Variants in PXDNL observed in about 807,000 individuals in gnomAD.
PXDNL encodes the protein peroxidasin like, also known as probable oxidoreductase PXDNL.
A neutral mutation model predicts 150.8 loss-of-function variants in PXDNL; 145 were observed. The ratio of observed to expected loss-of-function variants is 0.96; its 90% CI spans 0.84 to 1.10. PXDNL has a LOEUF of 1.10. Among genes scored for constraint, PXDNL ranks in the 50% least tolerant of loss-of-function variants. The pLI is 0.00. For missense variants in PXDNL, 2,087 were observed against 1,873.9 expected (o/e 1.11, Z -2.10); for synonymous variants, 757 against 725.7 (o/e 1.04, Z -0.69).
intron 1 of PXDNL, among the ~76,000 whole-genome samples, chr8:51,790,796 A>ATGTGTGTG (rs1456542454): frequency 1.2e-4 from 4 of 33,426 alleles, no homozygotes; most frequent in African/African-American, 1.6e-4. Flanking sequence ...ATATATATAT[A>ATGTGTGTG]TGTGTGTGTG....
chr8:51,733,506 T>A (rs1816971490), intron 1 of PXDNL, among the ~76,000 whole-genome samples: 2 of 152,118 alleles, frequency 1.3e-5, no homozygotes, highest in Admixed American at 6.6e-5. Context: ...GAGGGAGGAA[T>A]ATAAATAAAG....
chr8:51,736,201 C>T (rs1023924084), intron 1 of PXDNL, among the ~76,000 whole-genome samples: 4 of 152,260 alleles, frequency 2.6e-5, no homozygotes, highest in African/African-American at 4.8e-5. Flanking sequence ...ACATTTATGT[C>T]GCACAGAATA....
intron 12 of PXDNL, chr8:51,436,266 T>A: frequency 5.9e-6 from 3 of 505,036 alleles, no homozygotes; most frequent in South Asian, 4.4e-5. Flanking sequence ...AGAAGTTTTA[T>A]ATCATAGAAG....
chr8:51,491,239 T>C (rs192392522), intron 5 of PXDNL, among the ~76,000 whole-genome samples: 1 of 152,236 alleles, frequency 6.6e-6, no homozygotes, highest in African/African-American at 2.4e-5. Flanking sequence ...TAAGTTAATA[T>C]CCCTTAATAA....
intron 1 of PXDNL, among the ~76,000 whole-genome samples, chr8:51,703,845 T>G (rs1816307324): frequency 6.6e-6 from 1 of 152,252 alleles, no homozygotes; most frequent in South Asian, 2.1e-4. Flanking sequence ...AAATCTTTTC[T>G]TGGACAATTA....
chr8:51,454,350 G>A (rs575891332), intron 9 of PXDNL, among the ~76,000 whole-genome samples: 1 of 152,190 alleles, frequency 6.6e-6, no homozygotes, highest in Non-Finnish European at 1.5e-5. Context: ...TGGCAGCTCT[G>A]TGACAGATTA....
intron 2 of PXDNL, among the ~76,000 whole-genome samples, chr8:51,635,920 T>A (rs1814594744): frequency 6.6e-6 from 1 of 152,046 alleles, no homozygotes; most frequent in Non-Finnish European, 1.5e-5. Flanking sequence ...TACAGAGCAA[T>A]ATCTTTTAGT....
At position 51,408,975 on chromosome 8, in the gene PXDNL, T is replaced by G; in HGVS notation, c.2649A>C (p.Ala883=). The G allele has an allele frequency of 6.2e-7, 1 of 1,612,222 alleles. No homozygotes were observed. The highest frequency in any genetic ancestry group is 8.5e-7 in the Non-Finnish European group (1 of 1,179,848). The change falls in exon 17 of 23, where the codon GCA becomes GCC. Residue 883 remains alanine (A), a synonymous_variant. Coordinates refer to ENST00000356297, the MANE Select transcript of PXDNL (RefSeq NM_144651.5). ...RPSATVDSVY[A]REQINQQTAY... ...CTGTTTGCTGGTTGATCTGCTCTCGTGCATAGACTGAATCCACCGTCGCAG... is the reference window on the plus strand; with the variant it reads ...CTGTTTGCTGGTTGATCTGCTCTCGGGCATAGACTGAATCCACCGTCGCAG...
At chr8:51,382,615 C>A (rs1230311477) in intron 17 of PXDNL, among the ~76,000 whole-genome samples, 1 of 151,928 alleles carries the variant, frequency 6.6e-6, no homozygotes, top group Non-Finnish European at 1.5e-5. Flanking sequence ...TGATTTTGTA[C>A]AGCAGTTTTA....
chr8:51,520,228 GGCCAGAGGGCAATAGTGAAATCCC>G (rs1811632475), intron 4 of PXDNL, among the ~76,000 whole-genome samples: 1 of 152,154 alleles, frequency 6.6e-6, no homozygotes, highest in South Asian at 2.1e-4. Flanking sequence ...GGAAGAACAC[GGCCAGAGGGCAATAGTGAAATCCC>G]GCCCTATCTG....
At chr8:51,717,901 T>C (rs898739211) in intron 1 of PXDNL, among the ~76,000 whole-genome samples, 3 of 152,196 alleles carry the variant, frequency 2.0e-5, no homozygotes, top group African/African-American at 7.2e-5. Context: ...TGGCTAATTA[T>C]AAGGGGGGTT....
intron 6 of PXDNL, among the ~76,000 whole-genome samples, chr8:51,475,790 A>G (rs1245504225): frequency 6.6e-6 from 1 of 150,422 alleles, no homozygotes; most frequent in Non-Finnish European, 1.5e-5. Context: ...CCCTTCCCTC[A>G]CCAGTAGTCC....
Position 51,532,673 on chromosome 8 carries a change from C to G in PXDNL, c.380+24167G>C, listed in dbSNP as rs147394342. Among the ~76,000 whole-genome samples the G allele has an allele frequency of 8.9e-4, 135 of 152,272 alleles. No homozygotes were observed. The East Asian group carries it at 0.016, about 18-fold the overall frequency. ...GAATGTAAAGGCTTCAGACAGCTTG[C>G]TAATTCAAAGTGTGGTCTCTTTGAC... On this transcript the variant is annotated intron_variant, in intron 4 of 22. Transcript: ENST00000356297.
chr8:51,642,832 A>G (rs1449869095), intron 2 of PXDNL, among the ~76,000 whole-genome samples: 2 of 152,220 alleles, frequency 1.3e-5, no homozygotes, highest in Non-Finnish European at 2.9e-5. Context: ...CTGATAAACA[A>G]CTTCAGCAAA....
intron 10 of PXDNL, among the ~76,000 whole-genome samples, chr8:51,451,171 T>A (rs1208176583): frequency 6.6e-6 from 1 of 151,590 alleles, no homozygotes; most frequent in African/African-American, 2.4e-5. Context: ...TTTAATAACT[T>A]TAATAATAAT....
chr8:51,507,965 C>T (rs1811328454), intron 4 of PXDNL, among the ~76,000 whole-genome samples: 1 of 152,050 alleles, frequency 6.6e-6, no homozygotes, highest in Non-Finnish European at 1.5e-5. Context: ...TGTGGAGCCT[C>T]AATTGAAGGC....
chr8:51,483,256 C>T (rs919112039), intron 6 of PXDNL, among the ~76,000 whole-genome samples: 16 of 152,124 alleles, frequency 1.1e-4, no homozygotes, highest in East Asian at 1.9e-4. Flanking sequence ...AAGACAACTC[C>T]GTACAACAAG....
intron 4 of PXDNL, among the ~76,000 whole-genome samples, chr8:51,541,417 G>A (rs553531520): frequency 6.6e-6 from 1 of 152,074 alleles, no homozygotes; most frequent in Non-Finnish European, 1.5e-5. Flanking sequence ...ACCTTTCTGA[G>A]GGCTCCATCC....
At chr8:51,628,394 CTTTTCTTT>C (rs1814409141) in intron 2 of PXDNL, among the ~76,000 whole-genome samples, 1 of 80,230 alleles carries the variant, frequency 1.2e-5, no homozygotes, top group Non-Finnish European at 2.6e-5. Context: ...GTTTTCTTTT[CTTTTCTTT>C]TTTTTTTTTT....
Sources: gnomAD v4.1 joint callset for allele counts (sites outside exome capture counted in the v4.1 genomes callset) on GRCh38, gnomAD v4.1.1 for gene constraint, MANE v1.5 for transcripts, NCBI Gene and HGNC (gene_info 2026-07-23, HGNC 2026-07-21) for gene names.